Variants in NKAIN2 observed in about 807,000 individuals in gnomAD.
The protein encoded by NKAIN2 is sodium/potassium transporting ATPase interacting 2, also known as sodium/potassium-transporting ATPase subunit beta-1-interacting protein 2.
A neutral mutation model predicts 32.6 loss-of-function variants in NKAIN2; 14 were observed. The observed-to-expected ratio is 0.43, with a 90% confidence interval of 0.28 to 0.67. The LOEUF (loss-of-function observed/expected upper bound fraction) is 0.67. Ranked by LOEUF, NKAIN2 falls within the 30% of genes least tolerant of loss-of-function variation. The pLI, the probability that NKAIN2 is intolerant of heterozygous loss-of-function variation, is 0.17. For synonymous variants in NKAIN2, 80 were observed against 87.2 expected (o/e 0.92, Z 0.46); for missense variants, 198 against 258.3 (o/e 0.77, Z 1.60).
At chr6:124,670,563 A>G (rs1375247114) in intron 4 of NKAIN2, among the ~76,000 whole-genome samples, 2 of 151,948 alleles carry the variant, frequency 1.3e-5, no homozygotes, top group East Asian at 3.9e-4. Context: ...TTATTTGATC[A>G]TTTAAGTTAT....
chr6:124,359,103 G>T (rs1378059936), intron 3 of NKAIN2, among the ~76,000 whole-genome samples: 1 of 152,092 alleles, frequency 6.6e-6, no homozygotes, highest in Non-Finnish European at 1.5e-5. Context: ...CATTATTTCT[G>T]AGGGCCCTGT....
chr6:124,231,993 C>T (rs1462997401), intron 1 of NKAIN2, among the ~76,000 whole-genome samples: 13 of 152,078 alleles, frequency 8.5e-5, no homozygotes, highest in Non-Finnish European at 1.9e-4. Context: ...TATGTGATTA[C>T]AATACAACAT....
chr6:124,236,280 G>A (rs1001425596), intron 1 of NKAIN2, among the ~76,000 whole-genome samples: 1 of 152,060 alleles, frequency 6.6e-6, no homozygotes, highest in African/African-American at 2.4e-5. Context: ...TATAGATTGT[G>A]CTGTAATCAA....
At chr6:124,805,129 A>G (rs1302791467) in intron 5 of NKAIN2, among the ~76,000 whole-genome samples, 3 of 152,206 alleles carry the variant, frequency 2.0e-5, no homozygotes, top group East Asian at 3.9e-4. Context: ...ACAGCTTTGA[A>G]GAGAGCAGTG....
chr6:124,637,465 CATTTTTGTGTT>C (rs1384680085), intron 3 of NKAIN2, among the ~76,000 whole-genome samples: 2 of 151,956 alleles, frequency 1.3e-5, no homozygotes, highest in Non-Finnish European at 2.9e-5. Context: ...TTGCAAATAA[CATTTTTGTGTT>C]ATTTTTTATT....
chr6:124,534,850 C>T (rs1181539955), intron 3 of NKAIN2, among the ~76,000 whole-genome samples: 1 of 152,122 alleles, frequency 6.6e-6, no homozygotes, highest in Non-Finnish European at 1.5e-5. Context: ...TAAGACTTTA[C>T]ATGTACAGTT....
chr6:124,021,427 G>A (rs186056948), intron 1 of NKAIN2, among the ~76,000 whole-genome samples: 87 of 151,926 alleles, frequency 5.7e-4, no homozygotes, highest in African/African-American at 2.1e-3. Flanking sequence ...TTAAAGTCTA[G>A]TAATAATTAT....
At chr6:124,110,814 G>A (rs2114969330) in intron 1 of NKAIN2, among the ~76,000 whole-genome samples, 1 of 152,162 alleles carries the variant, frequency 6.6e-6, no homozygotes, top group South Asian at 2.1e-4. Flanking sequence ...CACCTAGATT[G>A]AGTCCGTGTC....
chr6:124,000,176 C>T lies in NKAIN2; in HGVS notation c.54+195922C>T, dbSNP rs954528140. Among the ~76,000 whole-genome samples, 7 of 152,050 alleles carry T rather than the reference C, an allele frequency of 4.6e-5. No homozygotes were observed. In the East Asian group the frequency reaches 5.8e-4, roughly 13 times the overall value. On this transcript the variant is annotated intron_variant, in intron 1 of 6. Transcript: ENST00000368417. Reference sequence around the variant, plus strand: ...AAAGTGGCAACTGATGGTTTGGTAACGATATAATAACAAGGAATAACTCCT... The same window carrying T: ...AAAGTGGCAACTGATGGTTTGGTAATGATATAATAACAAGGAATAACTCCT...
chr6:124,055,273 T>A (rs929684913), intron 1 of NKAIN2, among the ~76,000 whole-genome samples: 1 of 152,032 alleles, frequency 6.6e-6, no homozygotes, highest in African/African-American at 2.4e-5. Flanking sequence ...ATAAAACGAA[T>A]GCATAATTTT....
chr6:124,403,836 G>C (rs1773731593), intron 3 of NKAIN2, among the ~76,000 whole-genome samples: 1 of 152,094 alleles, frequency 6.6e-6, no homozygotes, highest in African/African-American at 2.4e-5. Context: ...GAATTATTAA[G>C]ATGGGTAACC....
chr6:124,389,589 C>A (rs958830738), intron 3 of NKAIN2, among the ~76,000 whole-genome samples: 1 of 151,954 alleles, frequency 6.6e-6, no homozygotes, highest in African/African-American at 2.4e-5. Context: ...AATAGACTAC[C>A]TTACAAGTCA....
Position 123,900,825 on chromosome 6 carries a change from G to C in NKAIN2, c.54+96571G>C, listed in dbSNP as rs1042258008. 2.0e-5 allele frequency among the ~76,000 whole-genome samples: 3 copies of C among 151,634 alleles called. No homozygotes were observed. In the East Asian group the frequency reaches 5.8e-4, roughly 29 times the overall value. On this transcript the variant is annotated intron_variant, in intron 1 of 6. Transcript: ENST00000368417. The stretch of plus-strand genomic sequence containing the variant: ...TAAAACAAATCTTAATCAGTTCCTT[G>C]GGACATGGCTACCTCAGACTTGTTA...
chr6:123,865,015 C>T (rs1475348057), intron 1 of NKAIN2, among the ~76,000 whole-genome samples: 1 of 151,960 alleles, frequency 6.6e-6, no homozygotes, highest in African/African-American at 2.4e-5. Context: ...TTCTCTAATC[C>T]TTCTAATTAA....
intron 4 of NKAIN2, among the ~76,000 whole-genome samples, chr6:124,671,445 A>G (rs1773096383): frequency 6.6e-6 from 1 of 152,144 alleles, no homozygotes; most frequent in Admixed American, 6.5e-5. Context: ...TGGCATTTAC[A>G]TGATGCCAAT....
chr6:124,412,100 T>G (rs1010107668), intron 3 of NKAIN2, among the ~76,000 whole-genome samples: 1 of 152,140 alleles, frequency 6.6e-6, no homozygotes, highest in Non-Finnish European at 1.5e-5. Context: ...TTTTCAAAGT[T>G]TTTAACTTCT....
rs371457 is a variant in NKAIN2 at position 124,398,094 on chromosome 6, C to A, written c.273+42747C>A. 1.7e-3 allele frequency among the ~76,000 whole-genome samples: 258 copies of A among 151,138 alleles called. 1 individual carries two copies. The highest frequency in any genetic ancestry group is 6.1e-3 in the African/African-American group (251 of 41,162). On this transcript the variant is annotated intron_variant, in intron 3 of 6. Coordinates refer to ENST00000368417, the MANE Select transcript of NKAIN2 (RefSeq NM_001040214.3). Reference sequence around the variant, plus strand: ...CGGTGAAACCCCATCTGTACTAAAACTACAAAAAATTAGCCGGGCGTGGTT... The same window carrying A: ...CGGTGAAACCCCATCTGTACTAAAAATACAAAAAATTAGCCGGGCGTGGTT...
intron 1 of NKAIN2, among the ~76,000 whole-genome samples, chr6:124,136,682 G>A (rs1377218949): frequency 6.6e-6 from 1 of 152,034 alleles, no homozygotes; most frequent in Non-Finnish European, 1.5e-5. Flanking sequence ...TTTATACCAG[G>A]GATGCAGGGA....
chr6:123,961,828 G>A lies in NKAIN2; in HGVS notation c.54+157574G>A, dbSNP rs147681304. On this transcript the variant is annotated intron_variant, in intron 1 of 6. Transcript: ENST00000368417. ...TACTCACAAACTTTTGGTGACTACAGATTTGAATATTAAGACTATATAATC... is the reference window on the plus strand; with the variant it reads ...TACTCACAAACTTTTGGTGACTACAAATTTGAATATTAAGACTATATAATC... Among the ~76,000 whole-genome samples, 1,481 of 152,216 alleles carry A rather than the reference G, an allele frequency of 9.7e-3. 9 individuals carry two copies. The highest frequency in any genetic ancestry group is 0.016 in the Non-Finnish European group (1,073 of 68,030).
Sources: allele counts gnomAD v4.1 joint callset (sites outside exome capture counted in the v4.1 genomes callset), GRCh38; gene constraint gnomAD v4.1.1; transcripts MANE v1.5; gene names NCBI Gene and HGNC (gene_info 2026-07-23, HGNC 2026-07-21).